MAGI2: variants seen among roughly 807,000 people sequenced by gnomAD.
The protein encoded by MAGI2 is membrane-associated guanylate kinase, WW and PDZ domain-containing protein 2.
In MAGI2, 35 loss-of-function variants were observed where a neutral mutation model predicts 133.3. The observed-to-expected ratio is 0.26, with a 90% CI of 0.20 to 0.35. The LOEUF (loss-of-function observed/expected upper bound fraction) is 0.35, where lower values mean the gene tolerates loss of function less well. Among genes scored for constraint, MAGI2 ranks in the 10% least tolerant of loss-of-function variants. The probability of loss-of-function intolerance (pLI) is 1.00; values close to 1 mark genes in which losing one functional copy is unlikely to be tolerated. For synonymous variants in MAGI2, 729 were observed against 710.6 expected (o/e 1.03, Z -0.41); for missense variants, 1,636 against 1,863.4 (o/e 0.88, Z 2.25).
chr7:78,812,582 A>ATGTG (rs879528443), intron 2 of MAGI2, among the ~76,000 whole-genome samples: 1,027 of 82,598 alleles, frequency 0.012, 35 homozygotes, highest in Admixed American at 0.1. Context: ...ACATATATGT[A>ATGTG]TGTATGTGTG....
At chr7:78,308,372 C>T (rs771899347) in intron 9 of MAGI2, among the ~76,000 whole-genome samples, 18 of 152,110 alleles carry the variant, frequency 1.2e-4, no homozygotes, top group Non-Finnish European at 1.5e-4. Flanking sequence ...CTTAGTCATT[C>T]GGAGTGGGGT....
intron 2 of MAGI2, among the ~76,000 whole-genome samples, chr7:78,871,293 G>C (rs1291067229): frequency 6.6e-6 from 1 of 152,078 alleles, no homozygotes. Flanking sequence ...CTGGGGGACA[G>C]AGCGAGACTC....
chr7:78,654,634 G>A (rs1811934227), intron 2 of MAGI2, among the ~76,000 whole-genome samples: 1 of 147,100 alleles, frequency 6.8e-6, no homozygotes, highest in Non-Finnish European at 1.5e-5. Context: ...CCCATTTCGA[G>A]TTAATACAAT....
chr7:78,629,349 A>G (rs1808716289), intron 2 of MAGI2, among the ~76,000 whole-genome samples: 1 of 152,056 alleles, frequency 6.6e-6, no homozygotes, highest in Non-Finnish European at 1.5e-5. Flanking sequence ...CTGCTCTACA[A>G]TCTCAAATGC....
At chr7:78,538,132 C>G (rs754437587) in intron 3 of MAGI2, among the ~76,000 whole-genome samples, 1 of 152,082 alleles carries the variant, frequency 6.6e-6, no homozygotes, top group Non-Finnish European at 1.5e-5. Flanking sequence ...AGGTCAGTAG[C>G]CCATAAGTAC....
chr7:78,300,300 G>T (rs572012317), intron 9 of MAGI2, among the ~76,000 whole-genome samples: 1 of 152,304 alleles, frequency 6.6e-6, no homozygotes, highest in South Asian at 2.1e-4. Context: ...CTACATATCA[G>T]TGTAATTGTT....
rs1215148645 is a variant in MAGI2, at chr7:78,513,260, T to C, written c.754+8170A>G. Among the ~76,000 whole-genome samples, 3 of 152,306 alleles carry C rather than the reference T, an allele frequency of 2.0e-5. No homozygotes were observed. The East Asian group carries it at 5.8e-4, about 29-fold the overall frequency. On this transcript the variant is annotated intron_variant, in intron 4 of 21. Coordinates refer to ENST00000354212, the MANE Select transcript of MAGI2 (RefSeq NM_012301.4). Reference sequence around the variant, plus strand: ...TCTTGATAATTCAAGAGCTATTCTTTGGGGCAAAATTGGAGTCAACGTATT... The same window carrying C: ...TCTTGATAATTCAAGAGCTATTCTTCGGGGCAAAATTGGAGTCAACGTATT...
At chr7:78,501,018 G>A (rs766006676) in intron 5 of MAGI2, among the ~76,000 whole-genome samples, 1 of 152,208 alleles carries the variant, frequency 6.6e-6, no homozygotes, top group Non-Finnish European at 1.5e-5. Context: ...AGCCTTGGAG[G>A]TTGAGGCTGC....
intron 6 of MAGI2, among the ~76,000 whole-genome samples, chr7:78,392,517 A>C (rs2151318755): frequency 6.6e-6 from 1 of 152,190 alleles, no homozygotes; most frequent in East Asian, 1.9e-4. Context: ...CAACTAATGG[A>C]ATGTTTTTGG....
chr7:79,268,034 T>C (rs1313686058), intron 1 of MAGI2, among the ~76,000 whole-genome samples: 1 of 152,152 alleles, frequency 6.6e-6, no homozygotes, highest in Admixed American at 6.5e-5. Context: ...CCCTGGTCAA[T>C]GATATTTCAG....
chr7:78,620,211 A>C (rs777216616), intron 3 of MAGI2, among the ~76,000 whole-genome samples: 2 of 151,998 alleles, frequency 1.3e-5, no homozygotes, highest in African/African-American at 2.4e-5. Flanking sequence ...TTGAACTGAT[A>C]GAAGAATGGT....
chr7:78,601,067 G>A (rs1006536209), intron 3 of MAGI2, among the ~76,000 whole-genome samples: 5 of 152,164 alleles, frequency 3.3e-5, no homozygotes, highest in Non-Finnish European at 4.4e-5. Flanking sequence ...ACAGAAAGAT[G>A]TGAGCTTAAC....
chr7:79,422,169 A>T (rs1847009586), intron 1 of MAGI2, among the ~76,000 whole-genome samples: 1 of 152,054 alleles, frequency 6.6e-6, no homozygotes, highest in Non-Finnish European at 1.5e-5. Flanking sequence ...ATGCTCATAA[A>T]TTCTACATGA....
rs1233871986 is a variant in MAGI2, at chr7:78,814,842, C to G, written c.419-187603G>C. Among the ~76,000 whole-genome samples, 5 of 152,134 alleles carry G rather than the reference C, an allele frequency of 3.3e-5. No homozygotes were observed. In the East Asian group the frequency reaches 5.8e-4, roughly 18 times the overall value. On this transcript the variant is annotated intron_variant, in intron 2 of 21. Coordinates refer to ENST00000354212, the MANE Select transcript of MAGI2 (RefSeq NM_012301.4). The stretch of plus-strand genomic sequence containing the variant: ...GGCTCAAATGATCTTCCTGCTTCAG[C>G]CTCCTGATTAGCTGTGATAACAGGT...
At chr7:78,865,816 A>C (rs1794510137) in intron 2 of MAGI2, among the ~76,000 whole-genome samples, 1 of 152,210 alleles carries the variant, frequency 6.6e-6, no homozygotes, top group African/African-American at 2.4e-5. Flanking sequence ...AGAGAGATTT[A>C]CATGTCCCTT....
At chr7:79,202,894 G>A (rs1828732713) in intron 1 of MAGI2, among the ~76,000 whole-genome samples, 1 of 151,862 alleles carries the variant, frequency 6.6e-6, no homozygotes, top group Non-Finnish European at 1.5e-5. Context: ...GCTCCCCTGA[G>A]TTCCCCTGAC....
chr7:78,590,172 T>C (rs552259437), intron 3 of MAGI2, among the ~76,000 whole-genome samples: 7 of 152,218 alleles, frequency 4.6e-5, no homozygotes, highest in Non-Finnish European at 7.3e-5. Flanking sequence ...TTATTACCTA[T>C]GTGAATTACT....
intron 6 of MAGI2, among the ~76,000 whole-genome samples, chr7:78,461,403 T>TGTGCGC (rs1554423793): frequency 7.9e-6 from 1 of 126,516 alleles, no homozygotes; most frequent in African/African-American, 2.6e-5. Context: ...CGTGTGTGTG[T>TGTGCGC]GTGTGTGTGT....
At chr7:79,152,279 G>A (rs1409285643) in intron 1 of MAGI2, among the ~76,000 whole-genome samples, 1 of 152,078 alleles carries the variant, frequency 6.6e-6, no homozygotes, top group Non-Finnish European at 1.5e-5. Context: ...TTTTTTCATT[G>A]ACTAAAAACA....
Sources: gnomAD v4.1 joint callset for allele counts (sites outside exome capture counted in the v4.1 genomes callset) on GRCh38, gnomAD v4.1.1 for gene constraint, MANE v1.5 for transcripts, NCBI Gene and HGNC (gene_info 2026-07-23, HGNC 2026-07-21) for gene names.